SLC5A10: variants seen among roughly 807,000 people sequenced by gnomAD.
The protein encoded by SLC5A10 is solute carrier family 5 member 10, also known as sodium/mannose cotransporter SLC5A10.
A neutral mutation model predicts 68.9 loss-of-function variants in SLC5A10; 55 were observed. That is an observed-to-expected ratio of 0.80 (90% CI 0.64 to 1.00). SLC5A10 has a LOEUF of 1.00. SLC5A10 is among the 50% of genes least tolerant of loss of function. The pLI is 0.00. For missense variants in SLC5A10, 732 were observed against 819.3 expected (o/e 0.89, Z 1.30); for synonymous variants, 344 against 344.8 (o/e 1.00, Z 0.02).
Position 18,987,860 on chromosome 17 carries a change from T to C in SLC5A10, c.982+10871T>C, listed in dbSNP as rs150261741. 5.2e-4 allele frequency among the ~76,000 whole-genome samples: 79 copies of C among 152,176 alleles called. 1 individual carries two copies. The highest frequency in any genetic ancestry group is 1.8e-3 in the African/African-American group (73 of 41,514). On this transcript the variant is annotated intron_variant, in intron 9 of 14. Transcript: ENST00000395645. Reference sequence around the variant, plus strand: ...AACCCAAGAAAGGACTTCCTGGGAGTTGAAGCTCTCCAGAAAGGCCACGAG... The same window carrying C: ...AACCCAAGAAAGGACTTCCTGGGAGCTGAAGCTCTCCAGAAAGGCCACGAG...
intron 1 of SLC5A10, among the ~76,000 whole-genome samples, chr17:18,957,372 C>T (rs995487266): frequency 2.0e-5 from 3 of 152,166 alleles, no homozygotes; most frequent in Non-Finnish European, 4.4e-5. Flanking sequence ...TGTGGGAATA[C>T]GTAGGTAAGG....
rs1384185997 is a variant in SLC5A10, at chr17:19,017,303, C to A, written c.1241+2104C>A. On this transcript the variant is annotated intron_variant, in intron 11 of 14. Coordinates refer to ENST00000395645, the MANE Select transcript of SLC5A10 (RefSeq NM_001042450.4). This position sits in a 1 kb window ranked among gnomAD's most constrained non-coding sequence, Gnocchi z 5.6. ...TTACAGCACTGGGATACCCTCAACACCCCCAGCCCCTCAAAGCCGTCTCAG... is the reference window on the plus strand; with the variant it reads ...TTACAGCACTGGGATACCCTCAACAACCCCAGCCCCTCAAAGCCGTCTCAG... 1.9e-6 allele frequency: 3 copies of A among 1,552,002 alleles called. No individual in the cohort carries two copies. The highest frequency in any genetic ancestry group is 2.4e-5 in the East Asian group (1 of 40,940).
chr17:18,959,262 C>A (rs368871920), intron 3 of SLC5A10, 23 bp downstream of exon 3: 1 of 1,608,734 alleles, frequency 6.2e-7, no homozygotes. Context: ...GGACTGGCGG[C>A]CTGTGGGAGG....
intron 9 of SLC5A10, 130 bp from the exon 10 acceptor site, chr17:19,013,280 G>A (rs1377944976): frequency 1.4e-6 from 2 of 1,464,524 alleles, no homozygotes; most frequent in Non-Finnish European, 1.8e-6. Flanking sequence ...GAGGCCCAAG[G>A]CCAAATGGTA....
rs890741470 is a variant in SLC5A10, at chr17:19,020,503, G to A, written c.*72G>A. The A allele has an allele frequency of 2.3e-5, 33 of 1,431,024 alleles. No individual in the cohort carries two copies. Among genetic ancestry groups the A allele is most frequent in the Admixed American group, 5.5e-5 (3 of 54,604 alleles). The allele number at this position is 1,431,024 out of a possible 1,614,324, so 88.6% of individuals were successfully genotyped here. A position where few individuals can be genotyped will look rare whatever the true frequency, so the allele number is the denominator to read the frequency against. On this transcript the variant is annotated 3_prime_UTR_variant, in exon 15 of 15. Coordinates refer to ENST00000395645, the MANE Select transcript of SLC5A10 (RefSeq NM_001042450.4). ...CACCCATTTCCCTCATGGGGATCCCGAGGCCCCAAGAGGGGCAGATTCCCC... is the reference window on the plus strand; with the variant it reads ...CACCCATTTCCCTCATGGGGATCCCAAGGCCCCAAGAGGGGCAGATTCCCC...
chr17:18,993,182 C>T (rs534259045), intron 9 of SLC5A10, among the ~76,000 whole-genome samples: 7 of 152,094 alleles, frequency 4.6e-5, no homozygotes, highest in East Asian at 3.9e-4. Flanking sequence ...CCCCTCTCCC[C>T]GACGCTTCCT....
intron 9 of SLC5A10, among the ~76,000 whole-genome samples, chr17:18,994,234 T>C (rs763413978): frequency 1.3e-5 from 2 of 152,156 alleles, no homozygotes; most frequent in Admixed American, 1.3e-4. Flanking sequence ...TATGAAGCCA[T>C]GGACAACAGG....
At chr17:18,998,933 G>A (rs761648367) in intron 9 of SLC5A10, among the ~76,000 whole-genome samples, 7 of 152,276 alleles carry the variant, frequency 4.6e-5, no homozygotes, top group Non-Finnish European at 8.8e-5. Flanking sequence ...GTGAGTCCCC[G>A]TCCCAGCCCT....
Position 19,003,470 on chromosome 17 carries a change from G to C in SLC5A10, c.983-9940G>C. ...TCTGAGTGAGCCTGTATTGAGAGGG[G>C]TCCGGTGGCTGGTTGGGCCATGGCT... is the stretch of plus-strand genomic sequence containing the variant. On this transcript the variant is annotated intron_variant, in intron 9 of 14. Transcript: ENST00000395645. This position sits in a 1 kb window ranked among gnomAD's most constrained non-coding sequence, Gnocchi z 4.5. 7 of 1,498,934 alleles carry C rather than the reference G, an allele frequency of 4.7e-6. No individual in the cohort carries two copies. Among genetic ancestry groups the C allele is most frequent in the Non-Finnish European group, 6.2e-6 (7 of 1,123,752 alleles). The allele number at this position is 1,498,934 out of a possible 1,614,324, so 92.9% of individuals were successfully genotyped here.
chr17:19,015,419 T>G (rs2044119711), intron 11 of SLC5A10, among the ~76,000 whole-genome samples: 1 of 152,170 alleles, frequency 6.6e-6, no homozygotes, highest in Admixed American at 6.5e-5. Context: ...ATCTCCACCC[T>G]TGAGCTGGAT....
chr17:18,980,782 G>A (rs2043111774), intron 9 of SLC5A10, among the ~76,000 whole-genome samples: 1 of 152,156 alleles, frequency 6.6e-6, no homozygotes, highest in Non-Finnish European at 1.5e-5. Flanking sequence ...CCCTGTCTAG[G>A]GCAGTGTGTA....
chr17:19,014,074 ACAGAACCGAGGC>A (rs1300356947), intron 10 of SLC5A10, among the ~76,000 whole-genome samples: 1 of 152,318 alleles, frequency 6.6e-6, no homozygotes, highest in African/African-American at 2.4e-5. Context: ...CCAATCAGAC[ACAGAACCGAGGC>A]CAGACAACCC....
intron 1 of SLC5A10, 115 bp from the exon 2 acceptor site, chr17:18,958,567 G>A: frequency 1.3e-6 from 1 of 766,644 alleles, no homozygotes; most frequent in South Asian, 1.7e-5. Context: ...GGAACTTCTG[G>A]GTCATATGGT....
chr17:19,004,101 C>T lies in SLC5A10; in HGVS notation c.983-9309C>T. ...GGTGGGCAAGGTCCAGCTCCTAGCT[C>T]CGGCCCAGCTGGGGCACCGCGCGCT... On this transcript the variant is annotated intron_variant, in intron 9 of 14. Coordinates refer to ENST00000395645, the MANE Select transcript of SLC5A10 (RefSeq NM_001042450.4). This position sits in a 1 kb window ranked among gnomAD's most constrained non-coding sequence, Gnocchi z 5.4. 1 of 1,505,182 alleles carries T rather than the reference C, an allele frequency of 6.6e-7. No homozygotes were observed. Among genetic ancestry groups the T allele is most frequent in the Non-Finnish European group, 8.9e-7 (1 of 1,123,862 alleles). 93.2% of individuals were successfully genotyped at this position (1,505,182 alleles called of 1,614,324 possible). A position where few individuals can be genotyped will look rare whatever the true frequency, so the allele number is the denominator to read the frequency against.
chr17:18,977,020 C>G (rs1286455969), intron 9 of SLC5A10, 31 bp downstream of exon 9: 3 of 1,607,188 alleles, frequency 1.9e-6, no homozygotes, highest in South Asian at 2.2e-5. Context: ...TGAACCCAGG[C>G]TGCAGGGCAC....
intron 9 of SLC5A10, chr17:18,977,461 G>A (rs1185639275): frequency 1.0e-5 from 10 of 1,000,896 alleles, no homozygotes; most frequent in Non-Finnish European, 1.5e-5. Flanking sequence ...TTCCCCATCT[G>A]TAACAAGGGA....
chr17:18,994,936 C>T (rs894884471), intron 9 of SLC5A10, among the ~76,000 whole-genome samples: 3 of 152,202 alleles, frequency 2.0e-5, no homozygotes, highest in African/African-American at 7.2e-5. Flanking sequence ...ATTTGCAACT[C>T]CTACCCTGGA....
chr17:18,980,505 GAC>G (rs1283718189), intron 9 of SLC5A10, among the ~76,000 whole-genome samples: 1 of 152,114 alleles, frequency 6.6e-6, no homozygotes, highest in South Asian at 2.1e-4. Context: ...CCTTTTCCTG[GAC>G]CCTGAACACA....
intron 9 of SLC5A10, among the ~76,000 whole-genome samples, chr17:19,006,581 A>C (rs1376686400): frequency 6.6e-6 from 1 of 151,958 alleles, no homozygotes; most frequent in Non-Finnish European, 1.5e-5. Context: ...TGTGTTATAC[A>C]ACCTTATTAT....
Sources: allele counts gnomAD v4.1 joint callset (sites outside exome capture counted in the v4.1 genomes callset), GRCh38; gene constraint gnomAD v4.1.1; non-coding constraint Gnocchi (gnomAD v3.1); transcripts MANE v1.5; gene names NCBI Gene and HGNC (gene_info 2026-07-23, HGNC 2026-07-21).